GATAD2B: variants seen among roughly 807,000 people sequenced by gnomAD.
GATAD2B encodes transcriptional repressor p66-beta.
Under a neutral mutation model 64.3 loss-of-function variants are expected in GATAD2B, and 8 were observed. The ratio of observed to expected loss-of-function variants is 0.12; its 90% CI spans 0.07 to 0.22. The LOEUF is 0.22. GATAD2B is among the 10% of genes least tolerant of loss of function. GATAD2B has a pLI of 1.00. For synonymous variants in GATAD2B, 281 were observed against 271.3 expected (o/e 1.04, Z -0.35); for missense variants, 453 against 752.0 (o/e 0.60, Z 4.65).
At chr1:153,908,053 T>G (rs1264935212) in intron 1 of GATAD2B, among the ~76,000 whole-genome samples, 1 of 152,226 alleles carries the variant, frequency 6.6e-6, no homozygotes, top group East Asian at 1.9e-4. Context: ...TCTGCCTGCC[T>G]TGGCCTCCCA....
At chr1:153,867,369 T>C (rs1329389705) in intron 1 of GATAD2B, among the ~76,000 whole-genome samples, 1 of 152,018 alleles carries the variant, frequency 6.6e-6, no homozygotes, top group East Asian at 1.9e-4. Context: ...GAGAAAATAA[T>C]CTGACATGAA....
At chr1:153,914,913 C>CAAGGCTGTGTTTCAAAAGAAAAAAAA (rs1678217080) in intron 1 of GATAD2B, among the ~76,000 whole-genome samples, 1 of 151,382 alleles carries the variant, frequency 6.6e-6, no homozygotes, top group African/African-American at 2.4e-5. Flanking sequence ...GGCAACAGAG[C>CAAGGCTGTGTTTCAAAAGAAAAAAAA]AAGGCTGTGT....
chr1:153,858,402 C>G (rs538349874), intron 1 of GATAD2B, among the ~76,000 whole-genome samples: 1 of 152,110 alleles, frequency 6.6e-6, no homozygotes, highest in Admixed American at 6.6e-5. Context: ...AACACGAGTT[C>G]AAGACCAGCC....
intron 1 of GATAD2B, among the ~76,000 whole-genome samples, chr1:153,914,214 G>A (rs1308391965): frequency 1.9e-5 from 2 of 103,530 alleles, no homozygotes; most frequent in East Asian, 6.6e-4. Context: ...TTGCACTCCA[G>A]CCCCCAGACT....
At chr1:153,910,008 A>C (rs563052398) in intron 1 of GATAD2B, among the ~76,000 whole-genome samples, 1 of 149,958 alleles carries the variant, frequency 6.7e-6, no homozygotes, top group Non-Finnish European at 1.5e-5. Flanking sequence ...CCAGCCACTC[A>C]GGAGGCTGAG....
intron 1 of GATAD2B, among the ~76,000 whole-genome samples, chr1:153,863,275 G>A (rs1290938504): frequency 6.6e-6 from 1 of 152,106 alleles, no homozygotes; most frequent in African/African-American, 2.4e-5. Flanking sequence ...GAGGTCAGGA[G>A]TTCAAGACCA....
chr1:153,879,921 A>G (rs1570984101), intron 1 of GATAD2B, among the ~76,000 whole-genome samples: 2 of 152,074 alleles, frequency 1.3e-5, no homozygotes, highest in East Asian at 1.9e-4. Context: ...AACAATCTCT[A>G]ATTTTTCCTT....
At chr1:153,914,962 G>A (rs962334034) in intron 1 of GATAD2B, among the ~76,000 whole-genome samples, 14 of 151,992 alleles carry the variant, frequency 9.2e-5, no homozygotes, top group Admixed American at 6.5e-5. Context: ...AGTGGCTCAC[G>A]CCTGTAATCC....
At chr1:153,838,203 G>A (rs1675341424) in intron 1 of GATAD2B, among the ~76,000 whole-genome samples, 1 of 152,144 alleles carries the variant, frequency 6.6e-6, no homozygotes, top group South Asian at 2.1e-4. Context: ...TAAGAAGCAA[G>A]TACTGTGTAT....
At chr1:153,847,698 T>C (rs1570955008) in intron 1 of GATAD2B, among the ~76,000 whole-genome samples, 1 of 152,310 alleles carries the variant, frequency 6.6e-6, no homozygotes, top group East Asian at 1.9e-4. Flanking sequence ...TCTCTTTGAA[T>C]GTTGCTACTC....
rs148976021 is a variant in GATAD2B, at chr1:153,882,753, C to CATTCTATAGACAAATCCAG, written c.-2+39961_-2+39979dup. Among the ~76,000 whole-genome samples the CATTCTATAGACAAATCCAG allele has an allele frequency of 6.0e-3, 917 of 152,288 alleles. 13 individuals carry two copies. The highest frequency in any genetic ancestry group is 0.021 in the African/African-American group (882 of 41,530). The stretch of plus-strand genomic sequence containing the variant: ...ACTTACCACACACACATCCCTATGT[C>CATTCTATAGACAAATCCAG]ATTCTATAGACAAATCCAGATGCTA... On this transcript the variant is annotated intron_variant, in intron 1 of 10. Transcript: ENST00000368655.
At chr1:153,849,273 T>C (rs922465975) in intron 1 of GATAD2B, among the ~76,000 whole-genome samples, 2 of 152,202 alleles carry the variant, frequency 1.3e-5, no homozygotes, top group Admixed American at 6.5e-5. Context: ...TCTAATAACA[T>C]AGCAGATGGC....
intron 2 of GATAD2B, among the ~76,000 whole-genome samples, chr1:153,823,330 T>TA (rs1475332168): frequency 1.3e-5 from 2 of 152,226 alleles, no homozygotes; most frequent in Admixed American, 1.3e-4. Flanking sequence ...ATCCCAGTAG[T>TA]AAAAACAACT....
intron 1 of GATAD2B, chr1:153,853,525 C>G (rs565723423): frequency 2.1e-5 from 6 of 288,034 alleles, no homozygotes; most frequent in African/African-American, 1.3e-4. Context: ...TGGAGATTAA[C>G]CCCTTATCAA....
At position 153,858,985 on chromosome 1, in the gene GATAD2B, C is replaced by A. The variant is rs548790623; in HGVS notation, c.-1-30637G>T. ...GAGAGGAGGTAACAAGTAGAGGTCA[C>A]AGCAAGGATGTTGCTTGAGACAGGA... On this transcript the variant is annotated intron_variant, in intron 1 of 10. Transcript: ENST00000368655. Among the ~76,000 whole-genome samples the A allele has an allele frequency of 2.4e-4, 37 of 152,188 alleles. 1 individual carries two copies. Among genetic ancestry groups the A allele is most frequent in the African/African-American group, 8.9e-4 (37 of 41,530 alleles).
intron 1 of GATAD2B, among the ~76,000 whole-genome samples, chr1:153,871,760 C>T (rs1163781702): frequency 2.6e-5 from 4 of 152,036 alleles, no homozygotes; most frequent in Non-Finnish European, 4.4e-5. Flanking sequence ...CATGAGACAC[C>T]GTGCCCAGCC....
At chr1:153,842,752 A>T (rs755358122) in intron 1 of GATAD2B, among the ~76,000 whole-genome samples, 26 of 151,718 alleles carry the variant, frequency 1.7e-4, no homozygotes, top group Non-Finnish European at 3.1e-4. Flanking sequence ...TCCCGGGTTC[A>T]AGCAATTCTC....
chr1:153,905,553 G>GAAAAAAAAAA (rs769120730), intron 1 of GATAD2B, among the ~76,000 whole-genome samples: 2 of 64,670 alleles, frequency 3.1e-5, no homozygotes, highest in East Asian at 4.6e-4. Flanking sequence ...AACAATTTTG[G>GAAAAAAAAAA]AAAAAAAAAA....
At chr1:153,904,573 GCT>G in intron 1 of GATAD2B, among the ~76,000 whole-genome samples, 1 of 152,142 alleles carries the variant, frequency 6.6e-6, no homozygotes, top group African/African-American at 2.4e-5. Flanking sequence ...ACAGAGTCTC[GCT>G]CTGTCACTCA....
Sources: gnomAD v4.1 joint callset for allele counts (sites outside exome capture counted in the v4.1 genomes callset) on GRCh38, gnomAD v4.1.1 for gene constraint, MANE v1.5 for transcripts, NCBI Gene and HGNC (gene_info 2026-07-23, HGNC 2026-07-21) for gene names.